Variants in SLC39A11 observed in about 807,000 individuals in gnomAD.
The protein encoded by SLC39A11 is zinc transporter ZIP11.
In SLC39A11, 33 loss-of-function variants were observed where a neutral mutation model predicts 36.1. The ratio of observed to expected loss-of-function variants is 0.91; its 90% CI spans 0.69 to 1.22. The LOEUF (loss-of-function observed/expected upper bound fraction) is 1.22, where lower values mean the gene tolerates loss of function less well. Among genes scored for constraint, SLC39A11 ranks in the 50% most tolerant of loss-of-function variants. The pLI is 0.00. For missense variants in SLC39A11, 432 were observed against 430.3 expected, an observed-to-expected ratio of 1.00 and a Z score of -0.03; for synonymous variants, 166 against 170.3, an observed-to-expected ratio of 0.97 and a Z score of 0.20.
chr17:72,795,612 C>G (rs943367975), intron 6 of SLC39A11, among the ~76,000 whole-genome samples: 1 of 152,160 alleles, frequency 6.6e-6, no homozygotes, highest in South Asian at 2.1e-4. Context: ...GAATTAGGCT[C>G]TATTGCTCTA....
chr17:72,681,836 T>A (rs2144311760), intron 7 of SLC39A11, among the ~76,000 whole-genome samples: 1 of 152,308 alleles, frequency 6.6e-6, no homozygotes, highest in East Asian at 1.9e-4. Flanking sequence ...CTTAATAATA[T>A]TTTCTTTTTT....
intron 7 of SLC39A11, among the ~76,000 whole-genome samples, chr17:72,649,638 CTTTTTCTTTTTTT>C (rs1461106782): frequency 7.6e-6 from 1 of 131,740 alleles, no homozygotes; most frequent in Non-Finnish European, 1.6e-5. Context: ...TTCTTTTTTT[CTTTTTCTTTTTTT>C]TTTTTTTTGA....
At chr17:72,940,197 G>A (rs929469070) in intron 5 of SLC39A11, among the ~76,000 whole-genome samples, 4 of 152,088 alleles carry the variant, frequency 2.6e-5, no homozygotes, top group Non-Finnish European at 2.9e-5. Context: ...TCCCTTTAAC[G>A]GTGCCATCCC....
At chr17:72,883,214 C>A (rs1247213668) in intron 5 of SLC39A11, among the ~76,000 whole-genome samples, 1 of 152,146 alleles carries the variant, frequency 6.6e-6, no homozygotes, top group Non-Finnish European at 1.5e-5. Flanking sequence ...TAAAACACAG[C>A]CAAGTCCATA....
At chr17:72,724,394 G>A (rs2073836936) in intron 7 of SLC39A11, among the ~76,000 whole-genome samples, 1 of 152,148 alleles carries the variant, frequency 6.6e-6, no homozygotes, top group African/African-American at 2.4e-5. Context: ...CCAAGAATGG[G>A]AGGGGCACTT....
chr17:72,676,070 TCACACACACA>T (rs3222866), intron 7 of SLC39A11, among the ~76,000 whole-genome samples: 8 of 129,924 alleles, frequency 6.2e-5, no homozygotes, highest in African/African-American at 1.2e-4. Flanking sequence ...TCACAATGTT[TCACACACACA>T]CACACACACA....
chr17:72,705,219 G>A lies in SLC39A11; in HGVS notation c.671+31431C>T, dbSNP rs144160946. Among the ~76,000 whole-genome samples the A allele has an allele frequency of 2.5e-3, 383 of 152,226 alleles. 1 individual carries two copies. Among genetic ancestry groups the A allele is most frequent in the African/African-American group, 8.9e-3 (369 of 41,544 alleles). ...CTAGAAACATGTCATTAAAGGAGAC[G>A]CAAAAGTACACTATAATGATACTTT... On this transcript the variant is annotated intron_variant, in intron 7 of 9. Coordinates refer to ENST00000255559, the MANE Select transcript of SLC39A11 (RefSeq NM_139177.4).
At chr17:72,903,504 G>C (rs2146974087) in intron 5 of SLC39A11, among the ~76,000 whole-genome samples, 1 of 152,192 alleles carries the variant, frequency 6.6e-6, no homozygotes, top group African/African-American at 2.4e-5. Context: ...TCTTGCAATA[G>C]GTCCAGCCAC....
chr17:73,070,221 C>T (rs1354797684), intron 3 of SLC39A11, among the ~76,000 whole-genome samples: 2 of 152,210 alleles, frequency 1.3e-5, no homozygotes, highest in East Asian at 3.9e-4. Flanking sequence ...GCAGGCTGAC[C>T]AGTATCCCAT....
chr17:73,022,753 T>A (rs1439312066), intron 4 of SLC39A11, among the ~76,000 whole-genome samples: 1 of 151,800 alleles, frequency 6.6e-6, no homozygotes, highest in Non-Finnish European at 1.5e-5. Context: ...CCTCCAAAGG[T>A]GGAAGAAACA....
chr17:72,678,695 AAGAG>A (rs970419847), intron 7 of SLC39A11, among the ~76,000 whole-genome samples: 1 of 148,420 alleles, frequency 6.7e-6, no homozygotes, highest in African/African-American at 2.5e-5. Flanking sequence ...AGAAAAAAAA[AAGAG>A]AGAAACTCCA....
At chr17:72,801,968 A>G (rs1471748517) in intron 6 of SLC39A11, among the ~76,000 whole-genome samples, 1 of 152,224 alleles carries the variant, frequency 6.6e-6, no homozygotes, top group South Asian at 2.1e-4. Flanking sequence ...ACTCAAAAAT[A>G]TACCGAGTCA....
intron 7 of SLC39A11, among the ~76,000 whole-genome samples, chr17:72,656,086 C>T (rs1162387298): frequency 6.6e-6 from 1 of 152,146 alleles, no homozygotes; most frequent in Non-Finnish European, 1.5e-5. Context: ...CCATTCCCTC[C>T]CTCCTTTACG....
intron 7 of SLC39A11, among the ~76,000 whole-genome samples, chr17:72,708,550 G>A (rs191289399): frequency 6.5e-4 from 99 of 152,316 alleles, no homozygotes; most frequent in African/African-American, 2.1e-3. Context: ...GGTACATCAT[G>A]TCATTCTTGC....
chr17:73,000,157 C>G (rs1478468298), intron 4 of SLC39A11, among the ~76,000 whole-genome samples: 1 of 152,156 alleles, frequency 6.6e-6, no homozygotes, highest in East Asian at 1.9e-4. Flanking sequence ...TTCTGCCTAC[C>G]AGATGCACCG....
At chr17:73,030,642 G>A (rs553674342) in intron 4 of SLC39A11, among the ~76,000 whole-genome samples, 37 of 152,334 alleles carry the variant, frequency 2.4e-4, no homozygotes, top group South Asian at 1.0e-3. Context: ...TAGGGGAGCA[G>A]GGAACTCTGG....
intron 3 of SLC39A11, among the ~76,000 whole-genome samples, chr17:73,081,651 ACACACACAC>A (rs1568242586): frequency 6.7e-6 from 1 of 149,504 alleles, no homozygotes; most frequent in African/African-American, 2.5e-5. Context: ...ACACACACAC[ACACACACAC>A]ACACACACAC....
chr17:72,714,215 G>T (rs1337874889), intron 7 of SLC39A11, among the ~76,000 whole-genome samples: 1 of 152,110 alleles, frequency 6.6e-6, no homozygotes, highest in Non-Finnish European at 1.5e-5. Context: ...ACTTAGCTGG[G>T]TGTAGTGGTG....
intron 5 of SLC39A11, among the ~76,000 whole-genome samples, chr17:72,859,511 G>A (rs946141923): frequency 2.6e-5 from 4 of 151,972 alleles, no homozygotes; most frequent in African/African-American, 7.2e-5. Context: ...GATCCCGCTT[G>A]GGAACCCAGG....
Sources: allele counts gnomAD v4.1 joint callset (sites outside exome capture counted in the v4.1 genomes callset), GRCh38; gene constraint gnomAD v4.1.1; transcripts MANE v1.5; gene names NCBI Gene and HGNC (gene_info 2026-07-23, HGNC 2026-07-21).